The following ZBTB20 variants were observed in gnomAD, a reference collection of about 807,000 sequenced individuals.
ZBTB20 encodes zinc finger and BTB domain containing 20, also known as zinc finger and BTB domain-containing protein 20.
ZBTB20 carries 9 observed loss-of-function variants against 56.9 expected under a neutral mutation model. The ratio of observed to expected loss-of-function variants is 0.16; its 90% CI spans 0.10 to 0.28. The LOEUF (loss-of-function observed/expected upper bound fraction) is 0.28, where lower values mean the gene tolerates loss of function less well. Among genes scored for constraint, ZBTB20 ranks in the 10% least tolerant of loss-of-function variants. The pLI, the probability that ZBTB20 is intolerant of heterozygous loss-of-function variation, is 1.00. For synonymous variants in ZBTB20, 417 were observed against 420.7 expected (o/e 0.99, Z 0.11); for missense variants, 655 against 1,003.0 (o/e 0.65, Z 4.69).
At chr3:114,782,587 C>T (rs978565179) in intron 5 of ZBTB20, among the ~76,000 whole-genome samples, 10 of 151,944 alleles carry the variant, frequency 6.6e-5, no homozygotes, top group African/African-American at 1.9e-4. Context: ...TAACTAAGTG[C>T]AATGTTAATG....
At chr3:114,383,900 T>C (rs1350717826) in intron 8 of ZBTB20, among the ~76,000 whole-genome samples, 1 of 152,204 alleles carries the variant, frequency 6.6e-6, no homozygotes, top group Non-Finnish European at 1.5e-5. Context: ...ATTATAAACA[T>C]GGCACATCTG....
chr3:114,465,211 G>C (rs951821380), intron 7 of ZBTB20, among the ~76,000 whole-genome samples: 5 of 152,096 alleles, frequency 3.3e-5, no homozygotes, highest in African/African-American at 9.7e-5. Context: ...AGTTTGGTGA[G>C]TGTTTGTTCT....
At chr3:114,477,187 T>C (rs2040877841) in intron 7 of ZBTB20, among the ~76,000 whole-genome samples, 1 of 152,200 alleles carries the variant, frequency 6.6e-6, no homozygotes, top group African/African-American at 2.4e-5. Context: ...GTGTGCACCA[T>C]TTCTATCTCC....
chr3:114,498,350 C>T (rs1009209381), intron 7 of ZBTB20, among the ~76,000 whole-genome samples: 1 of 152,134 alleles, frequency 6.6e-6, no homozygotes, highest in Admixed American at 6.5e-5. Flanking sequence ...AAGAGAAGAT[C>T]GAACAAGCAG....
At chr3:115,117,244 C>T (rs533349629) in intron 1 of ZBTB20, among the ~76,000 whole-genome samples, 1 of 152,114 alleles carries the variant, frequency 6.6e-6, no homozygotes, top group Admixed American at 6.5e-5. Context: ...CATTGGCATA[C>T]CTAATATTCT....
intron 5 of ZBTB20, among the ~76,000 whole-genome samples, chr3:114,734,785 T>TG (rs2066015795): frequency 6.6e-6 from 1 of 152,178 alleles, no homozygotes; most frequent in South Asian, 2.1e-4. Flanking sequence ...TTCAGGGTCA[T>TG]GAGTGGATGG....
chr3:114,850,457 T>C (rs1169788565), intron 4 of ZBTB20, among the ~76,000 whole-genome samples: 1 of 152,196 alleles, frequency 6.6e-6, no homozygotes, highest in African/African-American at 2.4e-5. Flanking sequence ...CATTAAGAGG[T>C]ATGCTGTAAG....
At chr3:114,690,612 A>C (rs575957105) in intron 6 of ZBTB20, among the ~76,000 whole-genome samples, 1 of 152,276 alleles carries the variant, frequency 6.6e-6, no homozygotes, top group South Asian at 2.1e-4. Context: ...CTAGAGCAAT[A>C]ATACAAGCAC....
chr3:114,478,602 A>C (rs528858528), intron 7 of ZBTB20, among the ~76,000 whole-genome samples: 1 of 152,310 alleles, frequency 6.6e-6, no homozygotes, highest in Admixed American at 6.5e-5. Flanking sequence ...TCATTATCAA[A>C]CACACAAACA....
intron 1 of ZBTB20, among the ~76,000 whole-genome samples, chr3:115,146,541 G>A (rs1576847970): frequency 1.3e-5 from 2 of 152,252 alleles, no homozygotes; most frequent in East Asian, 3.9e-4. Flanking sequence ...CCAAAGAAGA[G>A]AAAGAAGGAA....
intron 6 of ZBTB20, among the ~76,000 whole-genome samples, chr3:114,650,538 T>A (rs2060076048): frequency 6.6e-6 from 1 of 151,644 alleles, no homozygotes. Flanking sequence ...TAGCAGGGAG[T>A]CAGTATTCTG....
chr3:114,565,756 CTT>C (rs151049179), intron 6 of ZBTB20, among the ~76,000 whole-genome samples: 2,759 of 152,026 alleles, frequency 0.018, 78 homozygotes, highest in African/African-American at 0.062. Flanking sequence ...ATGGAAAATG[CTT>C]ATCTCACCCC....
intron 7 of ZBTB20, among the ~76,000 whole-genome samples, chr3:114,458,320 G>A (rs2109100213): frequency 6.6e-6 from 1 of 152,182 alleles, no homozygotes; most frequent in South Asian, 2.1e-4. Context: ...CAAACATATA[G>A]TTATATTTAA....
chr3:114,487,628 G>A (rs1450161307), intron 7 of ZBTB20, among the ~76,000 whole-genome samples: 1 of 152,108 alleles, frequency 6.6e-6, no homozygotes, highest in Non-Finnish European at 1.5e-5. Flanking sequence ...CCCTCGGGAA[G>A]ACTCGAGGAA....
At chr3:114,920,626 T>C (rs1232915516) in intron 3 of ZBTB20, among the ~76,000 whole-genome samples, 1 of 151,640 alleles carries the variant, frequency 6.6e-6, no homozygotes, top group Non-Finnish European at 1.5e-5. Flanking sequence ...GGGAAGGACA[T>C]AACAATGAAT....
At chr3:114,682,582 T>TA (rs2062047063) in intron 6 of ZBTB20, among the ~76,000 whole-genome samples, 2 of 152,170 alleles carry the variant, frequency 1.3e-5, no homozygotes, top group Admixed American at 6.5e-5. Context: ...AATTCAAAAC[T>TA]AATCTATGAT....
rs1321516954 is a variant in ZBTB20 at position 114,380,355 on chromosome 3, T to G, written c.61A>C (p.Ile21Leu). ...GCGCTGGATCCACCCGGCTGAGTAA[T>G]CTCATTCTCCTCAGATGCCTTCTGG... ...ENQKASEENE[I>L]TQPGGSSAKP... is the part of the protein sequence containing the mutation. The change falls in exon 10 of 12, where the codon ATT becomes CTT. Residue 21 changes from isoleucine to leucine, a missense_variant. Transcript: ENST00000675478. The G allele has an allele frequency of 6.5e-7, 1 of 1,537,040 alleles. No individual in the cohort carries two copies. The highest frequency in any genetic ancestry group is 8.7e-7 in the Non-Finnish European group (1 of 1,146,812).
rs1157827409 is a variant in ZBTB20, at chr3:114,452,373, G to GT, written c.-255+47978dup. Among the ~76,000 whole-genome samples the GT allele has an allele frequency of 1.8e-4, 27 of 152,286 alleles. 1 individual carries two copies. The highest frequency in any genetic ancestry group is 6.0e-4 in the African/African-American group (25 of 41,568). ...ATATTCCTAAAGAAAACATGTAAGT[G>GT]TAAGAAGTGAGTTACCCTGGAAAAT... On this transcript the variant is annotated intron_variant, in intron 7 of 11. Transcript: ENST00000675478.
chr3:115,084,283 G>A (rs558116233), intron 1 of ZBTB20, among the ~76,000 whole-genome samples: 4 of 39,340 alleles, frequency 1.0e-4, no homozygotes, highest in African/African-American at 9.2e-5. Context: ...CATGAAGAGT[G>A]CCAAAAAAAA....
Sources: gnomAD v4.1 joint callset for allele counts (sites outside exome capture counted in the v4.1 genomes callset) on GRCh38, gnomAD v4.1.1 for gene constraint, MANE v1.5 for transcripts, NCBI Gene and HGNC (gene_info 2026-07-23, HGNC 2026-07-21) for gene names.